COA1: variants seen among roughly 807,000 people sequenced by gnomAD.
COA1 encodes cytochrome c oxidase assembly factor 1.
COA1 carries 13 observed loss-of-function variants against 16.0 expected under a neutral mutation model. The observed-to-expected ratio is 0.81, with a 90% CI of 0.53 to 1.29. COA1 has a LOEUF of 1.29. Among genes scored for constraint, COA1 ranks in the 50% most tolerant of loss-of-function variants. The probability of loss-of-function intolerance (pLI) is 0.00; values close to 1 mark genes in which losing one functional copy is unlikely to be tolerated. For synonymous variants in COA1, 65 were observed against 65.7 expected, an observed-to-expected ratio of 0.99 and a Z score of 0.05; for missense variants, 179 against 177.0, an observed-to-expected ratio of 1.01 and a Z score of -0.06.
intron 6 of COA1, among the ~76,000 whole-genome samples, chr7:43,628,808 C>CTCTA (rs911795301): frequency 6.6e-6 from 1 of 152,190 alleles, no homozygotes; most frequent in African/African-American, 2.4e-5. Context: ...TCTTTTCCCA[C>CTCTA]TCTATAGCTT....
chr7:43,635,223 T>C (rs1036442719), downstream of COA1, among the ~76,000 whole-genome samples: 1 of 152,170 alleles, frequency 6.6e-6, no homozygotes, highest in African/African-American at 2.4e-5. Context: ...GTCTCTCCAA[T>C]TGAATATTAA....
At chr7:43,693,656 C>A (rs1192659315) in intron 1 of COA1, among the ~76,000 whole-genome samples, 3 of 152,096 alleles carry the variant, frequency 2.0e-5, no homozygotes, top group Non-Finnish European at 4.4e-5. Flanking sequence ...TTTCACCATC[C>A]TTCACCCAGC....
intron 1 of COA1, among the ~76,000 whole-genome samples, chr7:43,654,567 T>C (rs1298902559): frequency 6.7e-6 from 1 of 149,044 alleles, no homozygotes; most frequent in East Asian, 1.9e-4. Flanking sequence ...TGAAGTCATA[T>C]TCAGGAAGTT....
intron 1 of COA1, among the ~76,000 whole-genome samples, chr7:43,727,375 G>A (rs902873814): frequency 5.3e-5 from 8 of 152,180 alleles, no homozygotes; most frequent in African/African-American, 1.9e-4. Context: ...AGGCACATAC[G>A]CAAGAGAAAT....
intron 1 of COA1, among the ~76,000 whole-genome samples, chr7:43,700,859 C>G (rs2094708701): frequency 6.6e-6 from 1 of 152,048 alleles, no homozygotes; most frequent in Non-Finnish European, 1.5e-5. Flanking sequence ...TTACTGGAAG[C>G]ACAGAAGACT....
rs1275142719 is a variant in COA1, at chr7:43,639,585, C to G, written c.438G>C (p.Glu146Asp). 6.2e-7 allele frequency: 1 copy of G among 1,613,402 alleles called. No homozygotes were observed. The highest frequency in any genetic ancestry group is 8.5e-7 in the Non-Finnish European group (1 of 1,179,394). The change falls in exon 6 of 6, where the codon GAG becomes GAC. Residue 146 changes from glutamate (E) to aspartate (D), a missense_variant. Transcript: ENST00000223336. ...AGCTGGGTCTTCTGGGTCGTCTCTACTCCTTTTTCACTTCATCACCGTTTT... is the reference window on the plus strand; with the variant it reads ...AGCTGGGTCTTCTGGGTCGTCTCTAGTCCTTTTTCACTTCATCACCGTTTT... ...SGENGDEVKK[E>D]
At chr7:43,713,555 C>G (rs1457651353) in intron 1 of COA1, among the ~76,000 whole-genome samples, 1 of 152,096 alleles carries the variant, frequency 6.6e-6, no homozygotes, top group East Asian at 1.9e-4. Flanking sequence ...TTTTATTCAT[C>G]TTCATCTCAT....
At chr7:43,711,042 T>C (rs2095230823) in intron 1 of COA1, among the ~76,000 whole-genome samples, 1 of 152,112 alleles carries the variant, frequency 6.6e-6, no homozygotes, top group South Asian at 2.1e-4. Flanking sequence ...TAAAAAGATG[T>C]TGGATCCTTA....
At chr7:43,709,582 CAT>C (rs1193579193) in intron 1 of COA1, among the ~76,000 whole-genome samples, 18 of 152,254 alleles carry the variant, frequency 1.2e-4, no homozygotes, top group African/African-American at 2.9e-4. Context: ...TACATATTCA[CAT>C]GTCTATTTCT....
chr7:43,616,512 C>T (rs2083359734), intron 6 of COA1, among the ~76,000 whole-genome samples: 2 of 152,134 alleles, frequency 1.3e-5, no homozygotes, highest in African/African-American at 4.8e-5. Flanking sequence ...TCTTCCCGTT[C>T]TCTGAATTCA....
intron 1 of COA1, among the ~76,000 whole-genome samples, chr7:43,691,469 G>GAAAC (rs2094363582): frequency 7.4e-6 from 1 of 134,460 alleles, no homozygotes; most frequent in Non-Finnish European, 1.6e-5. Context: ...AAGAAAGAAA[G>GAAAC]AAAGAAAGAA....
At chr7:43,701,637 T>C (rs1167549954) in intron 1 of COA1, among the ~76,000 whole-genome samples, 1 of 152,170 alleles carries the variant, frequency 6.6e-6, no homozygotes, top group East Asian at 1.9e-4. Context: ...ATGAGATTGG[T>C]AGTTCTGTTT....
At chr7:43,666,032 G>T (rs2092860837) in intron 1 of COA1, among the ~76,000 whole-genome samples, 1 of 152,172 alleles carries the variant, frequency 6.6e-6, no homozygotes, top group Non-Finnish European at 1.5e-5. Context: ...TCAGTCTACT[G>T]ATTCAAATGC....
intron 6 of COA1, among the ~76,000 whole-genome samples, chr7:43,615,498 T>C (rs200806681): frequency 9.5e-6 from 1 of 105,476 alleles, no homozygotes; most frequent in Non-Finnish European, 2.5e-5. Flanking sequence ...CTATAGTATT[T>C]TATTAACATA....
chr7:43,697,106 G>C (rs900934933), intron 1 of COA1, among the ~76,000 whole-genome samples: 62 of 151,090 alleles, frequency 4.1e-4, no homozygotes, highest in African/African-American at 1.5e-3. Context: ...CCTGGCGACA[G>C]AGACTCCATC....
chr7:43,613,802 C>T (rs146561092), intron 6 of COA1, among the ~76,000 whole-genome samples: 177 of 152,304 alleles, frequency 1.2e-3, no homozygotes, highest in African/African-American at 4.2e-3. Context: ...TATGATTGCA[C>T]CCTGCATTCC....
intron 1 of COA1, among the ~76,000 whole-genome samples, chr7:43,693,199 C>A (rs1030014637): frequency 6.6e-6 from 1 of 152,114 alleles, no homozygotes; most frequent in African/African-American, 2.4e-5. Flanking sequence ...TTTCTCACTG[C>A]CATTTCCAAA....
rs573577055 is a variant in COA1 at position 43,674,700 on chromosome 7, ACACGATTTCC to A, written c.-38-26058_-38-26049del. On this transcript the variant is annotated intron_variant, in intron 1 of 5. Coordinates refer to ENST00000223336, the MANE Select transcript of COA1 (RefSeq NM_018224.4). ...TGTGACAAATGGACCTGAGTCAAGGACACGATTTCCTTGATGAATTGAGTTTATTCAGTTA... is the reference window on the plus strand; with the variant it reads ...TGTGACAAATGGACCTGAGTCAAGGATTGATGAATTGAGTTTATTCAGTTA... Among the ~76,000 whole-genome samples, 420 of 152,364 alleles carry A rather than the reference ACACGATTTCC, an allele frequency of 2.8e-3. 1 individual carries two copies. The highest frequency in any genetic ancestry group is 6.8e-3 in the Middle Eastern group (2 of 294).
At chr7:43,701,725 C>T (rs1361859453) in intron 1 of COA1, among the ~76,000 whole-genome samples, 2 of 152,156 alleles carry the variant, frequency 1.3e-5, no homozygotes, top group Non-Finnish European at 2.9e-5. Flanking sequence ...ATATGCATTC[C>T]CTTTTCTCTG....
Sources: gnomAD v4.1 joint callset for allele counts (sites outside exome capture counted in the v4.1 genomes callset) on GRCh38, gnomAD v4.1.1 for gene constraint, MANE v1.5 for transcripts, NCBI Gene and HGNC (gene_info 2026-07-23, HGNC 2026-07-21) for gene names.